EPHA8: variants seen among roughly 807,000 people sequenced by gnomAD.
The protein encoded by EPHA8 is EPH receptor A8.
Under a neutral mutation model 103.6 loss-of-function variants are expected in EPHA8, and 58 were observed. The ratio of observed to expected loss-of-function variants is 0.56; its 90% confidence interval spans 0.45 to 0.70. EPHA8 has a LOEUF of 0.70. EPHA8 is among the 30% of genes least tolerant of loss of function. The pLI is 0.00. For missense variants in EPHA8, 1,304 were observed against 1,395.2 expected, an observed-to-expected ratio of 0.93 and a Z score of 1.04; for synonymous variants, 559 against 572.5, an observed-to-expected ratio of 0.98 and a Z score of 0.34.
intron 8 of EPHA8, among the ~76,000 whole-genome samples, chr1:22,595,533 T>G (rs209693): frequency 0.44 from 66,219 of 152,038 alleles, 15,965 homozygotes; most frequent in African/African-American, 0.65. Flanking sequence ...GAGAGGTTAG[T>G]CTTCTTGCCA....
chr1:22,592,231 C>G (rs1641391345), intron 5 of EPHA8, among the ~76,000 whole-genome samples: 1 of 152,190 alleles, frequency 6.6e-6, no homozygotes, highest in Non-Finnish European at 1.5e-5. Context: ...CCTGGTCTCA[C>G]TCTGTCTGCC....
At chr1:22,580,972 T>G (rs1328662752) in intron 3 of EPHA8, among the ~76,000 whole-genome samples, 1 of 152,240 alleles carries the variant, frequency 6.6e-6, no homozygotes, top group African/African-American at 2.4e-5. Context: ...TGATGATTTT[T>G]CGTCTTTGAT....
rs1225974233 is a variant in EPHA8 at position 22,598,743 on chromosome 1, C to G, written c.2179-95C>G. 1.5e-6 allele frequency: 2 copies of G among 1,308,078 alleles called. No individual in the cohort carries two copies. The highest frequency in any genetic ancestry group is 2.1e-6 in the Non-Finnish European group (2 of 941,386). 81.0% of individuals were successfully genotyped at this position (1,308,078 alleles called of 1,614,324 possible). ...CTTGGCAAATTGCAAAGCACCGTCT[C>G]AACTCGAGAGCATCCTACAGATGGG... On this transcript the variant is annotated intron_variant, in intron 12 of 16. Transcript: ENST00000166244. The surrounding 1 kb of genome is among the most constrained non-coding windows in gnomAD (Gnocchi z 5.1).
At chr1:22,579,308 T>G (rs1640966964) in intron 3 of EPHA8, among the ~76,000 whole-genome samples, 1 of 151,780 alleles carries the variant, frequency 6.6e-6, no homozygotes, top group Non-Finnish European at 1.5e-5. Flanking sequence ...CATGTGTACA[T>G]GAGTGTATAT....
intron 7 of EPHA8, among the ~76,000 whole-genome samples, chr1:22,594,328 G>C (rs1332092563): frequency 6.6e-6 from 1 of 152,234 alleles, no homozygotes; most frequent in East Asian, 1.9e-4. Context: ...GCTCGCCTGA[G>C]GCGGCAGAGA....
intron 3 of EPHA8, among the ~76,000 whole-genome samples, chr1:22,577,336 C>G (rs893716624): frequency 6.6e-6 from 1 of 152,162 alleles, no homozygotes; most frequent in Non-Finnish European, 1.5e-5. Context: ...TGAGGAGAGA[C>G]AGTGAGGCAA....
Position 22,569,629 on chromosome 1 carries a change from A to G in EPHA8, c.159+276A>G. On this transcript the variant is annotated intron_variant, in intron 2 of 16. Transcript: ENST00000166244. This position sits in a 1 kb window ranked among gnomAD's most constrained non-coding sequence, Gnocchi z 4.5. ...CCCCATGGCTGCATCCTACAGATTC[A>G]TGAGGTGCCAGGCCAGGACTAAAGA... 6.6e-6 allele frequency among the ~76,000 whole-genome samples: 1 copy of G among 152,140 alleles called. No homozygotes were observed. Among genetic ancestry groups the G allele is most frequent in the South Asian group, 2.1e-4 (1 of 4,826 alleles).
intron 4 of EPHA8, 99 bp from the exon 5 acceptor site, chr1:22,588,772 T>G (rs1324073875): frequency 6.7e-7 from 1 of 1,497,372 alleles, no homozygotes. Context: ...CTAAATATGA[T>G]GGGGAGCCCT....
chr1:22,594,297 G>A (rs756086659), intron 7 of EPHA8, among the ~76,000 whole-genome samples: 6 of 152,332 alleles, frequency 3.9e-5, no homozygotes, highest in African/African-American at 9.6e-5. Flanking sequence ...ATGAAAAACC[G>A]AGGTTAGGAG....
Position 22,597,935 on chromosome 1 carries a change from C to A in EPHA8, c.2116+74C>A. ...GGAGAGGCCTCTGGGTCCATCCCCTCATCCATCCTGCTCTGCCCCACCTGA... is the reference window on the plus strand; with the variant it reads ...GGAGAGGCCTCTGGGTCCATCCCCTAATCCATCCTGCTCTGCCCCACCTGA... On this transcript the variant is annotated intron_variant, in intron 11 of 16. Coordinates refer to ENST00000166244, the MANE Select transcript of EPHA8 (RefSeq NM_020526.5). The surrounding 1 kb of genome is among the most constrained non-coding windows in gnomAD (Gnocchi z 4.6). The A allele has an allele frequency of 6.5e-7, 1 of 1,544,910 alleles. No homozygotes were observed. The highest frequency in any genetic ancestry group is 1.8e-5 in the Admixed American group (1 of 55,004).
chr1:22,583,077 G>A (rs896358838), intron 3 of EPHA8, among the ~76,000 whole-genome samples: 2 of 152,250 alleles, frequency 1.3e-5, no homozygotes, highest in African/African-American at 4.8e-5. Context: ...CAGGGCCACA[G>A]GCAGCTGCTG....
Position 22,593,469 on chromosome 1 carries a change from AG to A in EPHA8, c.1440+20del. The A allele has an allele frequency of 6.2e-7, 1 of 1,610,020 alleles. No individual in the cohort carries two copies. The highest frequency in any genetic ancestry group is 8.5e-7 in the Non-Finnish European group (1 of 1,177,630). ...CGAGAAGGTACCACGGGCAGGACGGAGTGGGAGGGGCTGGGCCAGCAGGGCA... is the reference window on the plus strand; with the variant it reads ...CGAGAAGGTACCACGGGCAGGACGGATGGGAGGGGCTGGGCCAGCAGGGCA... On this transcript the variant is annotated intron_variant, in intron 6 of 16. Transcript: ENST00000166244.
intron 13 of EPHA8, among the ~76,000 whole-genome samples, chr1:22,599,714 G>A (rs1038194522): frequency 4.6e-3 from 24 of 5,230 alleles, no homozygotes; most frequent in African/African-American, 6.8e-3. Flanking sequence ...AAGGAGGGAA[G>A]GAAGGGAGGG....
At position 22,597,408 on chromosome 1, in the gene EPHA8, G is replaced by T; in HGVS notation, c.1862G>T (p.Arg621Leu). ...AEPHTYEEPGRAGRSFTREIE... is the reference protein window; with the variant it reads ...AEPHTYEEPGLAGRSFTREIE... Reference sequence around the variant, plus strand: ...CCCCACACCTACGAGGAGCCAGGCCGGGCGGGCCGCAGTTTCACTCGGGAG... The same window carrying T: ...CCCCACACCTACGAGGAGCCAGGCCTGGCGGGCCGCAGTTTCACTCGGGAG... The change falls in exon 10 of 17, where the codon CGG (arginine) becomes CTG (leucine). Residue 621 changes from arginine to leucine, a missense_variant. Physicochemically the swap from Arg to Leu is moderately radical, Grantham distance 102 (BLOSUM62 -2). Coordinates refer to ENST00000166244, the MANE Select transcript of EPHA8 (RefSeq NM_020526.5). The surrounding 1 kb of genome is among the most constrained non-coding windows in gnomAD (Gnocchi z 4.6). 3 of 1,613,536 alleles carry T rather than the reference G, an allele frequency of 1.9e-6. No homozygotes were observed. The highest frequency in any genetic ancestry group is 1.3e-5 in the African/African-American group (1 of 75,068).
At chr1:22,586,843 C>T (rs1641226160) in intron 4 of EPHA8, among the ~76,000 whole-genome samples, 1 of 152,226 alleles carries the variant, frequency 6.6e-6, no homozygotes, top group Non-Finnish European at 1.5e-5. Flanking sequence ...AGCCTCTGTC[C>T]TGTGTCACCT....
At chr1:22,601,516 G>T in intron 16 of EPHA8, 43 bp downstream of exon 16, 4 of 985,464 alleles carry the variant, frequency 4.1e-6, no homozygotes, top group East Asian at 4.2e-5. Flanking sequence ...TGTGGGGGCA[G>T]GGGGGGGGAC....
chr1:22,578,871 G>A (rs1309503764), intron 3 of EPHA8, among the ~76,000 whole-genome samples: 2 of 130,796 alleles, frequency 1.5e-5, no homozygotes, highest in Admixed American at 7.0e-5. Context: ...GTATATGCAC[G>A]TGTCCGTGTG....
chr1:22,584,713 G>A (rs1353233482), intron 3 of EPHA8, among the ~76,000 whole-genome samples: 1 of 152,122 alleles, frequency 6.6e-6, no homozygotes, highest in Admixed American at 6.5e-5. Flanking sequence ...GGACGGAGCC[G>A]GGAGCTGCCT....
At position 22,593,375 on chromosome 1, in the gene EPHA8, C is replaced by T. The variant is rs369922049; in HGVS notation, c.1365C>T (p.Ser455=). Residue 455 remains serine, a synonymous_variant, in exon 6 of 17, where the codon AGC becomes AGT. Transcript: ENST00000166244. ...VIRQERAGQT[S]VSLLWQEPEQ... ...GTCAAGAGCGGGCGGGGCAGACCAG[C>T]GTCTCGCTGCTGTGGCAGGAGCCCG... The T allele has an allele frequency of 7.3e-5, 116 of 1,591,556 alleles. 1 individual carries two copies. The African/African-American group carries it at 8.2e-4, about 11-fold the overall frequency.
Sources: gnomAD v4.1 joint callset for allele counts (sites outside exome capture counted in the v4.1 genomes callset) on GRCh38, gnomAD v4.1.1 for gene constraint, Gnocchi (gnomAD v3.1) non-coding constraint, MANE v1.5 for transcripts, NCBI Gene and HGNC (gene_info 2026-07-23, HGNC 2026-07-21) for gene names.